The following GRIP2 variants were observed in gnomAD, a reference collection of about 807,000 sequenced individuals.
GRIP2 encodes the protein glutamate receptor-interacting protein 2.
A neutral mutation model predicts 108.3 loss-of-function variants in GRIP2; 58 were observed. That is an observed-to-expected ratio of 0.54 (90% CI 0.43 to 0.67). The LOEUF (loss-of-function observed/expected upper bound fraction) is 0.67, where lower values mean the gene tolerates loss of function less well. GRIP2 is among the 30% of genes least tolerant of loss of function. The probability of loss-of-function intolerance (pLI) is 0.00; values close to 1 mark genes in which losing one functional copy is unlikely to be tolerated. For missense variants in GRIP2, 1,278 were observed against 1,430.6 expected (o/e 0.89, Z 1.72); for synonymous variants, 586 against 598.2 (o/e 0.98, Z 0.30).
chr3:14,523,734 G>T, intron 4 of GRIP2, 36 bp from the exon 5 acceptor site: 3 of 1,427,876 alleles, frequency 2.1e-6, no homozygotes, highest in Non-Finnish European at 2.9e-6. Flanking sequence ...GAGTCCCTCA[G>T]TCGCATCTCC....
the GRIP2 span, chr3:14,574,407 T>C: frequency 1.3e-6 from 1 of 766,302 alleles, no homozygotes; most frequent in Non-Finnish European, 2.3e-6. Flanking sequence ...GAGCCGCACC[T>C]TGGGCTGCGA....
At chr3:14,558,570 G>A (rs936018818), upstream of GRIP2, among the ~76,000 whole-genome samples, 2 of 152,166 alleles carry the variant, frequency 1.3e-5, no homozygotes, top group African/African-American at 4.8e-5. Flanking sequence ...AGGCTCCCAG[G>A]GTGCGGGAGA....
the GRIP2 span, among the ~76,000 whole-genome samples, chr3:14,577,310 T>C: frequency 6.6e-6 from 1 of 152,186 alleles, no homozygotes; most frequent in Non-Finnish European, 1.5e-5. Context: ...AGAAAAATGT[T>C]TGTGAGTCAG....
At position 14,505,432 on chromosome 3, in the gene GRIP2, G is replaced by C. The variant is rs907927434; in HGVS notation, c.2573+183C>G. Among the ~76,000 whole-genome samples, 8 of 152,144 alleles carry C rather than the reference G, an allele frequency of 5.3e-5. No individual in the cohort carries two copies. Among genetic ancestry groups the C allele is most frequent in the African/African-American group, 1.9e-4 (8 of 41,420 alleles). ...TCCCTGCCGTGCCCTCCACCAGTCT[G>C]CCCTTCCCTCCGTCTCAGCCTGGCT... is the stretch of plus-strand genomic sequence containing the variant. On this transcript the variant is annotated intron_variant, in intron 20 of 23. Coordinates refer to ENST00000621039, the MANE Select transcript of GRIP2 (RefSeq NM_001080423.4). The surrounding 1 kb of genome is among the most constrained non-coding windows in gnomAD (Gnocchi z 4.2).
chr3:14,559,198 T>C (rs1695281546), upstream of GRIP2, among the ~76,000 whole-genome samples: 1 of 152,112 alleles, frequency 6.6e-6, no homozygotes, highest in African/African-American at 2.4e-5. Context: ...CTGTATGCTG[T>C]GAGAGTGAAA....
Position 14,505,498 on chromosome 3 carries a change from C to T in GRIP2, c.2573+117G>A, listed in dbSNP as rs1188618807. The T allele has an allele frequency of 8.4e-7, 1 of 1,191,860 alleles. No individual in the cohort carries two copies. The highest frequency in any genetic ancestry group is 1.2e-6 in the Non-Finnish European group (1 of 846,016). The allele number at this position is 1,191,860 out of a possible 1,614,324, so 73.8% of individuals were successfully genotyped here. On this transcript the variant is annotated intron_variant, in intron 20 of 23. Transcript: ENST00000621039. The surrounding 1 kb of genome is among the most constrained non-coding windows in gnomAD (Gnocchi z 4.2). ...AGTGCTTCTCTCCCAGGAGGCACCCCTCCTCAGGAGCCCGCCAAGACTCTC... is the reference window on the plus strand; with the variant it reads ...AGTGCTTCTCTCCCAGGAGGCACCCTTCCTCAGGAGCCCGCCAAGACTCTC...
chr3:14,525,413 G>T, intron 3 of GRIP2, 24 bp downstream of exon 3: 1 of 1,608,566 alleles, frequency 6.2e-7, no homozygotes, highest in Non-Finnish European at 8.5e-7. Flanking sequence ...CCCCTCCTGC[G>T]GCCGTGCCAA....
At chr3:14,592,896 G>T in the GRIP2 span, among the ~76,000 whole-genome samples, 1 of 152,290 alleles carries the variant, frequency 6.6e-6, no homozygotes, top group Middle Eastern at 3.4e-3. Context: ...CCTCTTCCCA[G>T]ACCAAGGACT....
At chr3:14,575,289 G>A in the GRIP2 span, among the ~76,000 whole-genome samples, 1 of 152,238 alleles carries the variant, frequency 6.6e-6, no homozygotes, top group East Asian at 1.9e-4. Flanking sequence ...TTTGGGCTCA[G>A]GCCTGGGATG....
At chr3:14,499,800 C>G (rs1693718539) in intron 21 of GRIP2, among the ~76,000 whole-genome samples, 1 of 151,962 alleles carries the variant, frequency 6.6e-6, no homozygotes, top group Non-Finnish European at 1.5e-5. Flanking sequence ...CAGGGGTGTC[C>G]AAACTATTGG....
the GRIP2 span, among the ~76,000 whole-genome samples, chr3:14,572,012 T>G: frequency 6.6e-6 from 1 of 152,206 alleles, no homozygotes; most frequent in Non-Finnish European, 1.5e-5. Context: ...CCATTAAAAT[T>G]TCAAGATACG....
intron 17 of GRIP2, among the ~76,000 whole-genome samples, chr3:14,509,019 T>C (rs1694008017): frequency 6.6e-6 from 1 of 152,092 alleles, no homozygotes; most frequent in Non-Finnish European, 1.5e-5. Flanking sequence ...CTCGAATTGA[T>C]GAAGACATTG....
intron 21 of GRIP2, among the ~76,000 whole-genome samples, chr3:14,500,308 A>T (rs1457490568): frequency 2.6e-5 from 4 of 152,220 alleles, no homozygotes; most frequent in Non-Finnish European, 5.9e-5. Flanking sequence ...AGAAGGAGAC[A>T]ATAAGAAGGA....
At chr3:14,571,087 A>G in the GRIP2 span, among the ~76,000 whole-genome samples, 2 of 152,184 alleles carry the variant, frequency 1.3e-5, no homozygotes. Flanking sequence ...ATGTCTCCAG[A>G]GATTGCCAAA....
chr3:14,515,676 C>T (rs1238795017), intron 11 of GRIP2, among the ~76,000 whole-genome samples: 1 of 152,036 alleles, frequency 6.6e-6, no homozygotes, highest in Non-Finnish European at 1.5e-5. Flanking sequence ...CACTGTGTCG[C>T]CCAGGGTGGA....
At chr3:14,588,056 G>T in the GRIP2 span, among the ~76,000 whole-genome samples, 1 of 152,172 alleles carries the variant, frequency 6.6e-6, no homozygotes, top group Non-Finnish European at 1.5e-5. Flanking sequence ...AATGTAAATG[G>T]AAGCTCTTCA....
chr3:14,580,092 A>C, the GRIP2 span, among the ~76,000 whole-genome samples: 5 of 152,214 alleles, frequency 3.3e-5, no homozygotes, highest in Admixed American at 6.5e-5. Context: ...ACTGTGTCCA[A>C]CACAGGACTT....
chr3:14,496,681 G>T, intron 21 of GRIP2, 121 bp from the exon 22 acceptor site: 1 of 1,356,888 alleles, frequency 7.4e-7, no homozygotes, highest in Non-Finnish European at 9.7e-7. Flanking sequence ...GGACAGACAT[G>T]GTCCCTGCCC....
the GRIP2 span, chr3:14,574,256 G>A: frequency 1.1e-6 from 1 of 884,868 alleles, no homozygotes; most frequent in African/African-American, 1.6e-5. Context: ...AGCTGTCGAT[G>A]TGCTTGTGGT....
Sources: allele counts gnomAD v4.1 joint callset (sites outside exome capture counted in the v4.1 genomes callset), GRCh38; gene constraint gnomAD v4.1.1; non-coding constraint Gnocchi (gnomAD v3.1); transcripts MANE v1.5; gene names NCBI Gene and HGNC (gene_info 2026-07-23, HGNC 2026-07-21).